The following ZC3H18 variants were observed in gnomAD, a reference collection of about 807,000 sequenced individuals.
ZC3H18 encodes zinc finger CCCH domain-containing protein 18.
In ZC3H18, 8 loss-of-function variants were observed where a neutral mutation model predicts 106.1. That is an observed-to-expected ratio of 0.08 (90% confidence interval 0.04 to 0.14). The LOEUF (loss-of-function observed/expected upper bound fraction) is 0.14. Ranked by LOEUF, ZC3H18 falls within the 10% of genes least tolerant of loss-of-function variation. The pLI, the probability that ZC3H18 is intolerant of heterozygous loss-of-function variation, is 1.00. For synonymous variants in ZC3H18, 635 were observed against 522.1 expected (o/e 1.22, Z -2.95); for missense variants, 1,318 against 1,278.4 (o/e 1.03, Z -0.47).
intron 16 of ZC3H18, 66 bp downstream of exon 16, chr16:88,628,920 G>A: frequency 6.4e-7 from 1 of 1,552,134 alleles, no homozygotes; most frequent in Non-Finnish European, 8.9e-7. Context: ...GAGCAGCTGG[G>A]TCTGAGACCC....
Position 88,599,803 on chromosome 16 carries a change from G to T in ZC3H18, c.943G>T (p.Ala315Ser). The T allele has an allele frequency of 6.2e-7, 1 of 1,607,964 alleles. No homozygotes were observed. Residue 315 changes from alanine (A) to serine (S), a missense_variant, in exon 6 of 18, where the codon GCA becomes TCA. Ala to Ser is a moderately conservative substitution (Grantham distance 99). This residue lies in a region of ZC3H18 where 848 missense variants were observed against 821.7 expected (regional missense o/e 1.03). Coordinates refer to ENST00000301011, the MANE Select transcript of ZC3H18 (RefSeq NM_144604.4). ...CTTACAATGGTAGGTTTTAAAAAAA[G>T]CAACTATTCGAAAAGAACAGGAGCC... ...LRHAKEVLKK[A>S]TIRKEQEPDF...
At chr16:88,591,128 GC>G (rs1915727049) in intron 3 of ZC3H18, among the ~76,000 whole-genome samples, 1 of 151,918 alleles carries the variant, frequency 6.6e-6, no homozygotes, top group Non-Finnish European at 1.5e-5. Flanking sequence ...CCGCCACCAC[GC>G]CCAGGTAATT....
chr16:88,587,361 G>C (rs937280159), intron 3 of ZC3H18, among the ~76,000 whole-genome samples: 5 of 152,188 alleles, frequency 3.3e-5, no homozygotes, highest in African/African-American at 1.2e-4. Flanking sequence ...ACTTGTAAGG[G>C]TATCTTTGAT....
At chr16:88,585,910 C>G (rs1915405087) in intron 2 of ZC3H18, among the ~76,000 whole-genome samples, 1 of 152,020 alleles carries the variant, frequency 6.6e-6, no homozygotes, top group African/African-American at 2.4e-5. Flanking sequence ...TCAGGGATGT[C>G]AGGTGGGCAG....
At chr16:88,611,680 T>C (rs1905283637) in intron 8 of ZC3H18, 144 bp downstream of exon 8, 4 of 1,303,452 alleles carry the variant, frequency 3.1e-6, no homozygotes, top group Non-Finnish European at 4.1e-6. Context: ...CCCGAGCCCA[T>C]AGTTCCAAAC....
intron 8 of ZC3H18, among the ~76,000 whole-genome samples, chr16:88,616,708 T>C (rs1905630206): frequency 6.6e-6 from 1 of 152,184 alleles, no homozygotes; most frequent in Admixed American, 6.5e-5. Context: ...TTGTAATCAT[T>C]AGGTGGATAG....
chr16:88,582,288 G>A (rs908112286), intron 2 of ZC3H18, among the ~76,000 whole-genome samples: 11 of 129,330 alleles, frequency 8.5e-5, no homozygotes, highest in Non-Finnish European at 1.5e-4. Flanking sequence ...GCAGTGGTGC[G>A]ATCTTGGCTC....
chr16:88,611,987 C>G (rs1028796854), intron 8 of ZC3H18, among the ~76,000 whole-genome samples: 1 of 152,192 alleles, frequency 6.6e-6, no homozygotes, highest in Admixed American at 6.5e-5. Flanking sequence ...GTGTTGCTGG[C>G]CAGGGTGAGG....
Position 88,611,511 on chromosome 16 carries a change from A to C in ZC3H18, c.1450A>C (p.Lys484Gln), listed in dbSNP as rs1469904989. 9.7e-6 allele frequency: 15 copies of C among 1,550,218 alleles called. No homozygotes were observed. The highest frequency in any genetic ancestry group is 1.2e-5 in the Non-Finnish European group (14 of 1,146,726). Residue 484 changes from lysine (K) to glutamine (Q), a missense_variant, in exon 8 of 18, where the codon AAG (lysine) becomes CAG (glutamine). Physicochemically the swap from Lys to Gln is moderately conservative, Grantham distance 53. This residue lies in a region of ZC3H18 where 848 missense variants were observed against 821.7 expected (regional missense o/e 1.03). Coordinates refer to ENST00000301011, the MANE Select transcript of ZC3H18 (RefSeq NM_144604.4). ...KEREKEKGKPKPRSPQPPSRQ... is the reference protein window; with the variant it reads ...KEREKEKGKPQPRSPQPPSRQ... ...GCGGGAGAAGGAGAAGGGGAAGCCC[A>C]AGCCCCGCTCCCCGCAGCCGCCAAG...
Position 88,602,829 on chromosome 16 carries a change from C to G in ZC3H18, c.1088+2881C>G, listed in dbSNP as rs115392981. On this transcript the variant is annotated intron_variant, in intron 6 of 17. Transcript: ENST00000301011. ...GATGTTGAGTTTTGCAAATAATTGTCACATAGAAGCACCTTCATGCAGGCA... is the reference window on the plus strand; with the variant it reads ...GATGTTGAGTTTTGCAAATAATTGTGACATAGAAGCACCTTCATGCAGGCA... 1.4e-3 allele frequency among the ~76,000 whole-genome samples: 208 copies of G among 152,262 alleles called. 2 individuals carry two copies. The highest frequency in any genetic ancestry group is 4.8e-3 in the African/African-American group (201 of 41,554).
At position 88,619,793 on chromosome 16, in the gene ZC3H18, C is replaced by T. The variant is rs572650055; in HGVS notation, c.1476-2404C>T. Among the ~76,000 whole-genome samples, 8 of 152,284 alleles carry T rather than the reference C, an allele frequency of 5.3e-5. No homozygotes were observed. In the East Asian group the frequency reaches 7.7e-4, roughly 15 times the overall value. Reference sequence around the variant, plus strand: ...TCCTGACCACGCCTTGACTTCTGCCCGTTCCCTCTCCCTGTGTTGGAAGGG... The same window carrying T: ...TCCTGACCACGCCTTGACTTCTGCCTGTTCCCTCTCCCTGTGTTGGAAGGG... On this transcript the variant is annotated intron_variant, in intron 8 of 17. Transcript: ENST00000301011.
At chr16:88,589,317 A>G (rs1314247374) in intron 3 of ZC3H18, among the ~76,000 whole-genome samples, 1 of 152,264 alleles carries the variant, frequency 6.6e-6, no homozygotes, top group African/African-American at 2.4e-5. Flanking sequence ...GCAGGTATGC[A>G]GCCAAGAGAA....
At chr16:88,572,851 G>T (rs1013720941) in intron 1 of ZC3H18, among the ~76,000 whole-genome samples, 1 of 151,982 alleles carries the variant, frequency 6.6e-6, no homozygotes, top group African/African-American at 2.4e-5. Context: ...TCCTCCTCCT[G>T]GGTTCAAGTG....
At chr16:88,593,661 C>G (rs1054652474) in intron 3 of ZC3H18, among the ~76,000 whole-genome samples, 4 of 152,198 alleles carry the variant, frequency 2.6e-5, no homozygotes, top group Non-Finnish European at 5.9e-5. Flanking sequence ...GCGGCTGACC[C>G]TGTGCGCTCT....
chr16:88,617,321 G>A (rs554502830), intron 8 of ZC3H18, among the ~76,000 whole-genome samples: 10 of 152,182 alleles, frequency 6.6e-5, no homozygotes, highest in South Asian at 4.1e-4. Context: ...GAGTTGTGCC[G>A]CTCTCTCCGT....
intron 8 of ZC3H18, among the ~76,000 whole-genome samples, chr16:88,616,827 T>C (rs755682595): frequency 6.6e-5 from 10 of 152,120 alleles, no homozygotes; most frequent in Non-Finnish European, 7.4e-5. Context: ...AATGAGGGGC[T>C]CTGCAGTGTC....
chr16:88,622,761 C>T (rs1906043820), intron 9 of ZC3H18: 2 of 296,882 alleles, frequency 6.7e-6, no homozygotes, highest in South Asian at 8.2e-5. Flanking sequence ...CACCTACGGT[C>T]CTGGTCTCAG....
chr16:88,611,187 T>C, intron 7 of ZC3H18, 81 bp from the exon 8 acceptor site: 2 of 698,792 alleles, frequency 2.9e-6, no homozygotes, highest in South Asian at 1.7e-5. Flanking sequence ...ACAGATCGCG[T>C]GGTGTTGGAG....
Position 88,586,689 on chromosome 16 carries a change from T to C in ZC3H18, c.688+5T>C. On this transcript the variant is annotated splice_donor_5th_base_variant and intron_variant, in intron 3 of 17. Transcript: ENST00000301011. ...CCTGCCGGTTCTTCATGAAAGGTAA[T>C]TGTCTGCGTGTGAGGCCTTCTCGCA... The C allele has an allele frequency of 6.2e-7, 1 of 1,613,998 alleles. No homozygotes were observed. The highest frequency in any genetic ancestry group is 1.1e-5 in the South Asian group (1 of 91,080).
Sources: allele counts gnomAD v4.1 joint callset (sites outside exome capture counted in the v4.1 genomes callset), GRCh38; gene constraint gnomAD v4.1.1; regional missense constraint gnomAD v4.1.1; transcripts MANE v1.5; gene names NCBI Gene and HGNC (gene_info 2026-07-23, HGNC 2026-07-21).